Variants in AURKA observed in about 807,000 individuals in gnomAD.
AURKA encodes the protein aurora kinase A.
In AURKA, 12 loss-of-function variants were observed where a neutral mutation model predicts 40.9. The ratio of observed to expected loss-of-function variants is 0.29; its 90% CI spans 0.19 to 0.48. The LOEUF (loss-of-function observed/expected upper bound fraction) is 0.48, where lower values mean the gene tolerates loss of function less well. AURKA is among the 20% of genes least tolerant of loss of function. AURKA has a pLI of 0.99. For missense variants in AURKA, 322 were observed against 462.1 expected (o/e 0.70, Z 2.78); for synonymous variants, 170 against 164.3 (o/e 1.03, Z -0.26).
intron 2 of AURKA, among the ~76,000 whole-genome samples, chr20:56,387,616 G>A (rs1986531078): frequency 6.6e-6 from 1 of 152,158 alleles, no homozygotes; most frequent in African/African-American, 2.4e-5. Flanking sequence ...AGAAATGAAA[G>A]CCTCAAAGTC....
chr20:56,386,624 G>T, intron 2 of AURKA, 91 bp from the exon 3 acceptor site: 1 of 1,397,508 alleles, frequency 7.2e-7, no homozygotes, highest in Non-Finnish European at 1.0e-6. Context: ...CTCTAGTATA[G>T]CAAAATAATG....
chr20:56,389,214 A>T (rs1243221533), intron 1 of AURKA, among the ~76,000 whole-genome samples: 1 of 151,558 alleles, frequency 6.6e-6, no homozygotes, highest in Non-Finnish European at 1.5e-5. Context: ...GAGTCCCTGG[A>T]CCCTCCACTT....
chr20:56,371,976 T>G (rs553862117), intron 7 of AURKA, among the ~76,000 whole-genome samples: 2 of 152,350 alleles, frequency 1.3e-5, no homozygotes, highest in African/African-American at 4.8e-5. Flanking sequence ...TGGGAAAAAC[T>G]GCTGAACGTA....
In AURKA at chr20:56,383,035, G is replaced by A. The variant is rs148425454; in HGVS notation, c.516C>T (p.Ala172=). The A allele has an allele frequency of 1.9e-3, 3,015 of 1,614,146 alleles. 27 individuals carry two copies. The highest frequency in any genetic ancestry group is 1.1e-3 in the Admixed American group (66 of 60,018). ...CTCTTCTGAGCTGATGCTCCACTCCGGCTTTCTCCAGCTGAGCTTTAAATA... is the reference window on the plus strand; with the variant it reads ...CTCTTCTGAGCTGATGCTCCACTCCAGCTTTCTCCAGCTGAGCTTTAAATA... ...KVLFKAQLEK[A]GVEHQLRREV... The change falls in exon 5 of 9, where the codon GCC becomes GCT. Residue 172 remains alanine, a synonymous_variant. Transcript: ENST00000395915.
chr20:56,384,087 C>G (rs1257043013), intron 4 of AURKA, among the ~76,000 whole-genome samples, 183 bp downstream of exon 4: 1 of 152,072 alleles, frequency 6.6e-6, no homozygotes. Context: ...ACTTGAGTTC[C>G]TAGTAAAATA....
chr20:56,372,219 C>T (rs1404957483), intron 7 of AURKA, among the ~76,000 whole-genome samples: 1 of 152,188 alleles, frequency 6.6e-6, no homozygotes, highest in Non-Finnish European at 1.5e-5. Flanking sequence ...CAAACAGTCA[C>T]TCACCACTGA....
At position 56,386,274 on chromosome 20, in the gene AURKA, G is replaced by C; in HGVS notation, c.302C>G (p.Pro101Arg). Residue 101 changes from proline to arginine, a missense_variant, in exon 3 of 9, where the codon CCC (proline) becomes CGC (arginine). Transcript: ENST00000395915. Reference sequence around the variant, plus strand: ...TAGTTTACCAGGTGCCGATGGCAGGGGCTGCTTGCTCTTTTGGGTGTTATT... The same window carrying C: ...TAGTTTACCAGGTGCCGATGGCAGGCGCTGCTTGCTCTTTTGGGTGTTATT... ...PLNNTQKSKQ[P>R]LPSAPENNPE... 1 of 1,614,232 alleles carries C rather than the reference G, an allele frequency of 6.2e-7. No individual in the cohort carries two copies. Among genetic ancestry groups the C allele is most frequent in the African/African-American group, 1.3e-5 (1 of 75,050 alleles).
chr20:56,381,450 C>A lies in AURKA; in HGVS notation c.688G>T (p.Glu230Ter). Residue 230 changes from glutamate (E) to a stop codon, truncating the protein, a stop_gained, in exon 6 of 9, where the codon GAG (glutamate) becomes TAG (stop). Coordinates refer to ENST00000395915, the MANE Select transcript of AURKA (RefSeq NM_198437.3). LOFTEE classifies it high-confidence loss of function. ...ACACTTACAGTAGCAGTTCTCTGCT[C>A]ATCAAACTTTGAAAGTTTCTGAAGT... The part of the protein sequence containing the change: ...RELQKLSKFD[E>*]QRTATYITEL... The A allele has an allele frequency of 6.2e-7, 1 of 1,613,142 alleles. No homozygotes were observed. The highest frequency in any genetic ancestry group is 8.5e-7 in the Non-Finnish European group (1 of 1,179,950).
intron 2 of AURKA, among the ~76,000 whole-genome samples, chr20:56,386,955 G>A (rs1232701431): frequency 1.3e-5 from 2 of 151,858 alleles, no homozygotes; most frequent in African/African-American, 2.4e-5. Flanking sequence ...ACGTCAAAAC[G>A]TTCAACAGTG....
At chr20:56,383,501 TA>T (rs1985997299) in intron 4 of AURKA, among the ~76,000 whole-genome samples, 1 of 152,148 alleles carries the variant, frequency 6.6e-6, no homozygotes, top group South Asian at 2.1e-4. Flanking sequence ...ACAAAAAGGA[TA>T]AGTGACCAGA....
In AURKA at chr20:56,385,232, T is replaced by C. The variant is rs115976001; in HGVS notation, c.320-908A>G. On this transcript the variant is annotated intron_variant, in intron 3 of 8. Transcript: ENST00000395915. ...TTCCTCCTCTGTAAAACTGAGTTAA[T>C]AACTGGCTACCTTCATGAAGTGGTT... 7.0e-3 allele frequency among the ~76,000 whole-genome samples: 1,064 copies of C among 152,342 alleles called. 10 individuals are homozygous for C. Among genetic ancestry groups the C allele is most frequent in the African/African-American group, 0.024 (990 of 41,578 alleles).
At chr20:56,378,756 C>T (rs1333891836) in intron 6 of AURKA, among the ~76,000 whole-genome samples, 1 of 152,068 alleles carries the variant, frequency 6.6e-6, no homozygotes, top group African/African-American at 2.4e-5. Flanking sequence ...ATCTTCAATG[C>T]ATATTGCTAA....
At chr20:56,390,060 C>A (rs1321278072) in intron 1 of AURKA, among the ~76,000 whole-genome samples, 1 of 152,070 alleles carries the variant, frequency 6.6e-6, no homozygotes, top group Non-Finnish European at 1.5e-5. Context: ...CAGAAGACCC[C>A]CATGGCTCCC....
chr20:56,377,815 T>C (rs1985134025), intron 6 of AURKA, among the ~76,000 whole-genome samples: 1 of 149,984 alleles, frequency 6.7e-6, no homozygotes, highest in Non-Finnish European at 1.5e-5. Flanking sequence ...CAACATCAAA[T>C]GTCATTAGGA....
rs757635928 is a variant in AURKA, at chr20:56,373,377, C to T, written c.854+31G>A. 123 of 1,612,430 alleles carry T rather than the reference C, an allele frequency of 7.6e-5. No homozygotes were observed. The highest frequency in any genetic ancestry group is 9.9e-5 in the Non-Finnish European group (117 of 1,179,966). On this transcript the variant is annotated intron_variant, in intron 7 of 8. Coordinates refer to ENST00000395915, the MANE Select transcript of AURKA (RefSeq NM_198437.3). The surrounding 1 kb of genome is among the most constrained non-coding windows in gnomAD (Gnocchi z 5.0). ...GGTTAGCTCCCAGGGCTTTGGTAAA[C>T]CAAACAACTTCCACCTCTAAAGTTA...
Position 56,370,759 on chromosome 20 carries a change from CT to C in AURKA, c.855-101del, listed in dbSNP as rs1984051116. ...AGTCCACTAACACTGAGGTCTTCCC[CT>C]GGGCCAGATCCTGTGCCCTAGGAAG... On this transcript the variant is annotated intron_variant, in intron 7 of 8. Coordinates refer to ENST00000395915, the MANE Select transcript of AURKA (RefSeq NM_198437.3). The C allele has an allele frequency of 8.4e-6, 11 of 1,314,878 alleles. No individual in the cohort carries two copies. The South Asian group carries it at 1.4e-4, about 17-fold the overall frequency. The allele number at this position is 1,314,878 out of a possible 1,614,324, so 81.5% of individuals were successfully genotyped here.
rs529029654 is a variant in AURKA at position 56,373,741 on chromosome 20, A to G, written c.706-185T>C. Among the ~76,000 whole-genome samples, 6 of 152,268 alleles carry G rather than the reference A, an allele frequency of 3.9e-5. No homozygotes were observed. The South Asian group carries it at 1.0e-3, about 26-fold the overall frequency. ...TGAGGTGGGAGGATCACTTGAGCCC[A>G]GGGGTTCAAGACCAGCCTGGGAAAC... On this transcript the variant is annotated intron_variant, in intron 6 of 8. Transcript: ENST00000395915. The surrounding 1 kb of genome is among the most constrained non-coding windows in gnomAD (Gnocchi z 5.0).
chr20:56,387,093 A>G (rs2146207862), intron 2 of AURKA, among the ~76,000 whole-genome samples: 1 of 152,312 alleles, frequency 6.6e-6, no homozygotes, highest in Non-Finnish European at 1.5e-5. Context: ...AATGGAATTG[A>G]GCAAAAAACT....
At chr20:56,388,413 T>C (rs1316820220) in intron 1 of AURKA, 1 of 598,072 alleles carries the variant, frequency 1.7e-6, no homozygotes, top group African/African-American at 1.9e-5. Flanking sequence ...TCCCATCCTC[T>C]GTCACGGAGT....
Sources: gnomAD v4.1 joint callset for allele counts (sites outside exome capture counted in the v4.1 genomes callset) on GRCh38, gnomAD v4.1.1 for gene constraint, Gnocchi (gnomAD v3.1) non-coding constraint, MANE v1.5 for transcripts, NCBI Gene and HGNC (gene_info 2026-07-23, HGNC 2026-07-21) for gene names.